The following ALK variants were observed in gnomAD, a reference collection of about 807,000 sequenced individuals.
ALK encodes ALK receptor tyrosine kinase.
Under a neutral mutation model 163.1 loss-of-function variants are expected in ALK, and 74 were observed. That is an observed-to-expected ratio of 0.45 (90% CI 0.38 to 0.55). ALK has a LOEUF of 0.55. Ranked by LOEUF, ALK falls within the 20% of genes least tolerant of loss-of-function variation. The pLI, the probability that ALK is intolerant of heterozygous loss-of-function variation, is 0.00. For synonymous variants in ALK, 960 were observed against 843.2 expected (o/e 1.14, Z -2.40); for missense variants, 2,063 against 2,105.3 (o/e 0.98, Z 0.39).
At chr2:29,876,668 T>C (rs1666725075) in intron 1 of ALK, among the ~76,000 whole-genome samples, 1 of 146,074 alleles carries the variant, frequency 6.8e-6, no homozygotes. Context: ...ATGGTGGTGA[T>C]GATGGTAACG....
At chr2:29,802,585 A>G (rs1664511530) in intron 1 of ALK, among the ~76,000 whole-genome samples, 1 of 43,716 alleles carries the variant, frequency 2.3e-5, no homozygotes, top group Non-Finnish European at 5.6e-5. Flanking sequence ...AGGGGAGGGG[A>G]AGAGAGGGGA....
At chr2:29,486,518 T>G (rs1671780013) in intron 4 of ALK, among the ~76,000 whole-genome samples, 1 of 152,240 alleles carries the variant, frequency 6.6e-6, no homozygotes, top group African/African-American at 2.4e-5. Flanking sequence ...GTGTTGCACA[T>G]AAAGTCAGCA....
chr2:29,288,521 C>T (rs770900469), intron 9 of ALK, among the ~76,000 whole-genome samples: 6 of 152,180 alleles, frequency 3.9e-5, no homozygotes, highest in Non-Finnish European at 7.3e-5. Flanking sequence ...CAGGCCTAGG[C>T]GCCATAGCAC....
intron 1 of ALK, among the ~76,000 whole-genome samples, chr2:29,725,585 A>G (rs1679547339): frequency 6.6e-6 from 1 of 152,074 alleles, no homozygotes; most frequent in African/African-American, 2.4e-5. Flanking sequence ...ATTGCATATT[A>G]ATTTCACTCA....
intron 9 of ALK, among the ~76,000 whole-genome samples, chr2:29,287,450 A>G (rs924291879): frequency 4.6e-5 from 7 of 152,310 alleles, no homozygotes; most frequent in African/African-American, 1.7e-4. Flanking sequence ...TGATTCTTAC[A>G]TGTGCCAATT....
At chr2:29,511,300 G>T (rs1235851603) in intron 4 of ALK, among the ~76,000 whole-genome samples, 1 of 151,954 alleles carries the variant, frequency 6.6e-6, no homozygotes, top group South Asian at 2.1e-4. Flanking sequence ...ATCCTGCCCT[G>T]CTTCCTGGGG....
chr2:29,767,177 A>G (rs1680888067), intron 1 of ALK, among the ~76,000 whole-genome samples: 1 of 152,242 alleles, frequency 6.6e-6, no homozygotes, highest in South Asian at 2.1e-4. Context: ...GATTCTCACA[A>G]CAATCTGATG....
intron 4 of ALK, among the ~76,000 whole-genome samples, chr2:29,464,797 C>T (rs1294354115): frequency 6.6e-6 from 1 of 152,026 alleles, no homozygotes; most frequent in Non-Finnish European, 1.5e-5. Context: ...GGACAGCTCC[C>T]CCAACAAAGT....
chr2:29,580,257 C>T (rs866853971), intron 3 of ALK, among the ~76,000 whole-genome samples: 2 of 152,198 alleles, frequency 1.3e-5, no homozygotes, highest in African/African-American at 2.4e-5. Context: ...CATGTCAACC[C>T]GTGATTACCG....
chr2:29,300,046 C>T (rs181504401), intron 8 of ALK, among the ~76,000 whole-genome samples: 169 of 152,232 alleles, frequency 1.1e-3, no homozygotes, highest in Non-Finnish European at 2.1e-3. Context: ...GTGGCAGCAT[C>T]GGGTGGCCTA....
At chr2:29,722,676 A>G (rs565561042) in intron 1 of ALK, among the ~76,000 whole-genome samples, 33 of 152,198 alleles carry the variant, frequency 2.2e-4, no homozygotes, top group Non-Finnish European at 3.8e-4. Flanking sequence ...TATCATCCAC[A>G]TACTACTGTT....
At chr2:29,565,499 T>C (rs1042929121) in intron 3 of ALK, among the ~76,000 whole-genome samples, 1 of 152,124 alleles carries the variant, frequency 6.6e-6, no homozygotes, top group Admixed American at 6.5e-5. Flanking sequence ...AGGTGGATTA[T>C]GGAAAAGCAA....
intron 1 of ALK, among the ~76,000 whole-genome samples, chr2:29,914,334 C>A (rs1016237479): frequency 2.6e-5 from 4 of 152,188 alleles, no homozygotes; most frequent in African/African-American, 9.7e-5. Context: ...GAATGGAGAA[C>A]AACAGCATCA....
chr2:29,661,452 C>T (rs147698107), intron 3 of ALK, among the ~76,000 whole-genome samples: 5 of 152,278 alleles, frequency 3.3e-5, no homozygotes, highest in African/African-American at 7.2e-5. Context: ...ATTTCCACTT[C>T]TATGATTCGG....
chr2:29,524,779 GATGGATTA>G (rs1326503075), intron 4 of ALK, among the ~76,000 whole-genome samples: 1 of 152,054 alleles, frequency 6.6e-6, no homozygotes, highest in Non-Finnish European at 1.5e-5. Flanking sequence ...ATGGATGATA[GATGGATTA>G]ATGGATGAAT....
chr2:29,464,457 T>C (rs1308172565), intron 4 of ALK, among the ~76,000 whole-genome samples: 3 of 152,202 alleles, frequency 2.0e-5, no homozygotes. Flanking sequence ...ATGGGCATTA[T>C]TGTGTTCAAA....
chr2:29,724,750 C>A (rs555372313), intron 1 of ALK, among the ~76,000 whole-genome samples: 128 of 152,246 alleles, frequency 8.4e-4, no homozygotes, highest in African/African-American at 3.0e-3. Context: ...GGTTTGCTTT[C>A]ACATTTTCTT....
chr2:29,760,863 T>A (rs1680680840), intron 1 of ALK, among the ~76,000 whole-genome samples: 1 of 152,172 alleles, frequency 6.6e-6, no homozygotes, highest in African/African-American at 2.4e-5. Flanking sequence ...TCTGCCTCCA[T>A]CCAAGAACTC....
intron 3 of ALK, among the ~76,000 whole-genome samples, chr2:29,545,497 T>C (rs368023034): frequency 7.9e-5 from 12 of 152,158 alleles, no homozygotes; most frequent in East Asian, 3.8e-4. Flanking sequence ...AGACAGAACT[T>C]CAAAGCTCTA....
Sources: allele counts gnomAD v4.1 joint callset (sites outside exome capture counted in the v4.1 genomes callset), GRCh38; gene constraint gnomAD v4.1.1; transcripts MANE v1.5; gene names NCBI Gene and HGNC (gene_info 2026-07-23, HGNC 2026-07-21).